Variants in CHST11 observed in about 807,000 individuals in gnomAD.
CHST11 encodes the protein C4S-1.
A neutral mutation model predicts 30.4 loss-of-function variants in CHST11; 9 were observed. The ratio of observed to expected loss-of-function variants is 0.30; its 90% CI spans 0.18 to 0.52. CHST11 has a LOEUF of 0.52. Ranked by LOEUF, CHST11 falls within the 20% of genes least tolerant of loss-of-function variation. The pLI is 0.97. For synonymous variants in CHST11, 152 were observed against 187.8 expected, an observed-to-expected ratio of 0.81 and a Z score of 1.56; for missense variants, 348 against 460.6, an observed-to-expected ratio of 0.76 and a Z score of 2.24.
At chr12:104,578,449 C>A (rs1264346124) in intron 1 of CHST11, among the ~76,000 whole-genome samples, 1 of 152,182 alleles carries the variant, frequency 6.6e-6, no homozygotes, top group African/African-American at 2.4e-5. Context: ...CTGAGCAGAT[C>A]TTTCTGTTTG....
chr12:104,554,083 G>T (rs890192897), intron 1 of CHST11, among the ~76,000 whole-genome samples: 16 of 152,172 alleles, frequency 1.1e-4, no homozygotes, highest in African/African-American at 3.9e-4. Flanking sequence ...CATCGAGAGA[G>T]TGATGGCACA....
chr12:104,692,890 A>AC lies in CHST11; in HGVS notation c.205-64058dup, dbSNP rs1491469428. Among the ~76,000 whole-genome samples the AC allele has an allele frequency of 4.0e-5, 6 of 149,904 alleles. No individual in the cohort carries two copies. In the East Asian group the frequency reaches 1.2e-3, roughly 30 times the overall value. ...CACCCCCATCCATTAAAAAAAAAAAACAAAAAAAAAACTGTCTTCCATGAA... is the reference window on the plus strand; with the variant it reads ...CACCCCCATCCATTAAAAAAAAAAAACCAAAAAAAAAACTGTCTTCCATGAA... On this transcript the variant is annotated intron_variant, in intron 2 of 2. Coordinates refer to ENST00000303694, the MANE Select transcript of CHST11 (RefSeq NM_018413.6).
At chr12:104,732,532 C>T (rs1046635882) in intron 2 of CHST11, among the ~76,000 whole-genome samples, 3 of 152,226 alleles carry the variant, frequency 2.0e-5, no homozygotes, top group Admixed American at 6.5e-5. Context: ...AGTCTCCTCA[C>T]GTCTCTTCTC....
At chr12:104,595,999 T>C (rs2136043228) in intron 1 of CHST11, among the ~76,000 whole-genome samples, 1 of 152,336 alleles carries the variant, frequency 6.6e-6, no homozygotes, top group South Asian at 2.1e-4. Flanking sequence ...GACTGGTTGG[T>C]CACTCTAGTT....
chr12:104,607,555 C>CAGGATTTG (rs1255980430), intron 2 of CHST11, among the ~76,000 whole-genome samples: 1 of 152,074 alleles, frequency 6.6e-6, no homozygotes, highest in Non-Finnish European at 1.5e-5. Flanking sequence ...GGCCTTTATA[C>CAGGATTTG]AGGATTTGAG....
At chr12:104,599,101 A>G (rs1276239009) in intron 1 of CHST11, among the ~76,000 whole-genome samples, 14 of 152,174 alleles carry the variant, frequency 9.2e-5, no homozygotes, top group Admixed American at 9.2e-4. Flanking sequence ...AGCACTCCAG[A>G]AACGGTGGGG....
At chr12:104,616,245 G>T (rs1448019304) in intron 2 of CHST11, among the ~76,000 whole-genome samples, 3 of 152,122 alleles carry the variant, frequency 2.0e-5, no homozygotes, top group Non-Finnish European at 2.9e-5. Flanking sequence ...CACAGCTTTG[G>T]CTGTACTTTA....
At chr12:104,748,320 G>A (rs925571673) in intron 2 of CHST11, among the ~76,000 whole-genome samples, 2 of 152,150 alleles carry the variant, frequency 1.3e-5, no homozygotes, top group African/African-American at 4.8e-5. Context: ...CTAGTCCAGC[G>A]GCATCAGCAT....
chr12:104,488,556 TGTGTGTATGC>T (rs1402321988), intron 1 of CHST11, among the ~76,000 whole-genome samples: 8 of 143,710 alleles, frequency 5.6e-5, no homozygotes, highest in Non-Finnish European at 9.3e-5. Flanking sequence ...TGCGTGTATG[TGTGTGTATGC>T]GTGTGTATGT....
In CHST11 at chr12:104,533,765, G is replaced by A. The variant is rs914543586; in HGVS notation, c.119-68141G>A. On this transcript the variant is annotated intron_variant, in intron 1 of 2. Transcript: ENST00000303694. ...GTGGAAACGTAGGAGCTGGTTGCAA[G>A]TGCCAATCAATAAGCAATGAAAAGA... is the stretch of plus-strand genomic sequence containing the variant. Among the ~76,000 whole-genome samples the A allele has an allele frequency of 2.6e-5, 4 of 152,204 alleles. No homozygotes were observed. In the East Asian group the frequency reaches 7.7e-4, roughly 29 times the overall value.
intron 2 of CHST11, among the ~76,000 whole-genome samples, chr12:104,668,740 A>G (rs968900124): frequency 3.9e-5 from 6 of 152,184 alleles, no homozygotes; most frequent in Non-Finnish European, 8.8e-5. Flanking sequence ...ATGGCGGAAG[A>G]GGGAGAAACC....
chr12:104,696,949 TCA>T (rs535186674), intron 2 of CHST11, among the ~76,000 whole-genome samples: 23 of 152,380 alleles, frequency 1.5e-4, no homozygotes, highest in African/African-American at 4.3e-4. Flanking sequence ...TGTGGATCCC[TCA>T]GTCTGTTCCA....
chr12:104,715,846 A>T (rs2040126542), intron 2 of CHST11, among the ~76,000 whole-genome samples: 1 of 152,072 alleles, frequency 6.6e-6, no homozygotes, highest in Non-Finnish European at 1.5e-5. Flanking sequence ...GGAATAAATG[A>T]GCTCGTGTGT....
intron 1 of CHST11, among the ~76,000 whole-genome samples, chr12:104,538,037 A>G (rs1444729847): frequency 6.6e-6 from 1 of 152,226 alleles, no homozygotes; most frequent in Non-Finnish European, 1.5e-5. Flanking sequence ...TGACTAATGA[A>G]CGGATATTGA....
chr12:104,732,198 C>G (rs2040263557), intron 2 of CHST11, among the ~76,000 whole-genome samples: 1 of 152,168 alleles, frequency 6.6e-6, no homozygotes, highest in Non-Finnish European at 1.5e-5. Context: ...CCCTGGGGTT[C>G]GTGAGCTTTG....
At position 104,616,215 on chromosome 12, in the gene CHST11, C is replaced by T. The variant is rs73386276; in HGVS notation, c.204+14224C>T. On this transcript the variant is annotated intron_variant, in intron 2 of 2. Coordinates refer to ENST00000303694, the MANE Select transcript of CHST11 (RefSeq NM_018413.6). ...AATCCACTATGTCTAAAAGAAACAC[C>T]ATCTTTTAGTGCAGGGGTTCACAGC... Among the ~76,000 whole-genome samples the T allele has an allele frequency of 3.9e-3, 599 of 152,260 alleles. 8 individuals are homozygous for T. Among genetic ancestry groups the T allele is most frequent in the African/African-American group, 0.014 (562 of 41,552 alleles).
chr12:104,590,732 G>T (rs7306664), intron 1 of CHST11, among the ~76,000 whole-genome samples: 39,687 of 151,922 alleles, frequency 0.26, 5,297 homozygotes, highest in African/African-American at 0.3. Flanking sequence ...GACCAGCCTG[G>T]CCAACATGGT....
chr12:104,660,181 A>G (rs2039585757), intron 2 of CHST11, among the ~76,000 whole-genome samples: 1 of 152,202 alleles, frequency 6.6e-6, no homozygotes, highest in Non-Finnish European at 1.5e-5. Context: ...TTTACAGTAG[A>G]TGCTCAGAAA....
chr12:104,569,910 G>A (rs1294888453), intron 1 of CHST11, among the ~76,000 whole-genome samples: 4 of 152,268 alleles, frequency 2.6e-5, no homozygotes, highest in Middle Eastern at 3.4e-3. Context: ...GACGGGTTGC[G>A]AAAGGAACTT....
Sources: gnomAD v4.1 joint callset for allele counts (sites outside exome capture counted in the v4.1 genomes callset) on GRCh38, gnomAD v4.1.1 for gene constraint, MANE v1.5 for transcripts, NCBI Gene and HGNC (gene_info 2026-07-23, HGNC 2026-07-21) for gene names.